Variants in FBN2 observed in about 807,000 individuals in gnomAD.
The protein encoded by FBN2 is fibrillin-2.
FBN2 carries 105 observed loss-of-function variants against 355.6 expected under a neutral mutation model. That is an observed-to-expected ratio of 0.30 (90% CI 0.25 to 0.35). The LOEUF is 0.35. Among genes scored for constraint, FBN2 ranks in the 10% least tolerant of loss-of-function variants. The pLI is 1.00. For synonymous variants in FBN2, 1,350 were observed against 1,301.2 expected (o/e 1.04, Z -0.81); for missense variants, 3,280 against 3,758.7 (o/e 0.87, Z 3.33).
At chr5:128,506,164 A>C (rs375052115) in intron 5 of FBN2, among the ~76,000 whole-genome samples, 8 of 152,320 alleles carry the variant, frequency 5.3e-5, no homozygotes, top group Admixed American at 2.0e-4. Flanking sequence ...ATTGAAAATC[A>C]CAATGAGATA....
At chr5:128,431,270 C>T (rs2127030902) in intron 7 of FBN2, among the ~76,000 whole-genome samples, 1 of 152,334 alleles carries the variant, frequency 6.6e-6, no homozygotes. Context: ...TCCTGTTTGA[C>T]AACACTTACT....
chr5:128,312,802 A>G lies in FBN2; in HGVS notation c.4718-7T>C. The stretch of plus-strand genomic sequence containing the variant: ...CAGTTGCCCACACGGTTGTCTGCAG[A>G]GCAACAAAGGAGCTTACAGTTGCCC... On this transcript the variant is annotated splice_polypyrimidine_tract_variant and splice_region_variant and intron_variant, in intron 36 of 64. Transcript: ENST00000262464. The G allele has an allele frequency of 6.2e-7, 1 of 1,613,546 alleles. No homozygotes were observed. Among genetic ancestry groups the G allele is most frequent in the South Asian group, 1.1e-5 (1 of 91,082 alleles).
chr5:128,289,753 G>C (rs564959714), intron 51 of FBN2, 129 bp downstream of exon 51: 1 of 656,674 alleles, frequency 1.5e-6, no homozygotes, highest in South Asian at 1.9e-5. Flanking sequence ...CAAAATAAGG[G>C]TTATATACAT....
At chr5:128,516,919 G>C (rs17677555) in intron 5 of FBN2, among the ~76,000 whole-genome samples, 27,686 of 152,038 alleles carry the variant, frequency 0.18, 2,884 homozygotes, top group Non-Finnish European at 0.25. Flanking sequence ...GTTCATGGTT[G>C]CTATGTAAGA....
rs70997371 is a variant in FBN2, at chr5:128,455,990, CAAAAAAAAAAAAA to C, written c.826+8721_826+8733del. Among the ~76,000 whole-genome samples the C allele has an allele frequency of 2.1e-3, 53 of 25,278 alleles. No individual in the cohort carries two copies. The South Asian group carries it at 0.04, about 19-fold the overall frequency. The allele number at this position is 25,278 out of a possible 152,430, so 16.6% of individuals were successfully genotyped here. On this transcript the variant is annotated intron_variant, in intron 6 of 64. Coordinates refer to ENST00000262464, the MANE Select transcript of FBN2 (RefSeq NM_001999.4). Reference sequence around the variant, plus strand: ...GAGCTCCTTGGGGGAGGGTTAGCAACAAAAAAAAAAAAAAAAAAAAAAAAAAAAAAAAAGCAAC... The same window carrying C: ...GAGCTCCTTGGGGGAGGGTTAGCAACAAAAAAAAAAAAAAAAAAAAGCAAC...
At chr5:128,276,418 A>G (rs1765395955) in intron 58 of FBN2, among the ~76,000 whole-genome samples, 1 of 152,206 alleles carries the variant, frequency 6.6e-6, no homozygotes, top group African/African-American at 2.4e-5. Context: ...CATTCTTTAG[A>G]TTAATATACT....
Position 128,395,290 on chromosome 5 carries a change from TA to T in FBN2, c.1079-17del, listed in dbSNP as rs924116871. ...GTTCTCTGATCTGTGCATGTATAAA[TA>T]AGACAGAAGATATGGCAGAATTACC... is the stretch of plus-strand genomic sequence containing the variant. On this transcript the variant is annotated splice_polypyrimidine_tract_variant and intron_variant, in intron 8 of 64. Transcript: ENST00000262464. 2 of 1,613,822 alleles carry T rather than the reference TA, an allele frequency of 1.2e-6. No homozygotes were observed. Among genetic ancestry groups the T allele is most frequent in the African/African-American group, 2.7e-5 (2 of 74,928 alleles).
intron 2 of FBN2, among the ~76,000 whole-genome samples, chr5:128,532,146 G>C (rs1756726562): frequency 6.6e-6 from 1 of 152,168 alleles, no homozygotes; most frequent in South Asian, 2.1e-4. Flanking sequence ...TTCCAGGCTG[G>C]TATCTGACCT....
chr5:128,378,029 T>C (rs191971125), intron 12 of FBN2, 152 bp from the exon 13 acceptor site: 2 of 668,088 alleles, frequency 3.0e-6, no homozygotes, highest in Admixed American at 3.0e-5. Context: ...TTTTTTTGGA[T>C]AGGTAGGTGC....
intron 11 of FBN2, among the ~76,000 whole-genome samples, chr5:128,385,030 A>G (rs945648198): frequency 7.2e-5 from 11 of 152,142 alleles, no homozygotes; most frequent in Admixed American, 4.6e-4. Context: ...GGAGAAAGAT[A>G]TGTTTTACAT....
rs531381318 is a variant in FBN2 at position 128,392,417 on chromosome 5, C to T, written c.1466-262G>A. Among the ~76,000 whole-genome samples the T allele has an allele frequency of 5.6e-4, 85 of 152,274 alleles. 2 individuals carry two copies. The highest frequency in any genetic ancestry group is 1.4e-3 in the Admixed American group (21 of 15,296). On this transcript the variant is annotated intron_variant, in intron 10 of 64. Coordinates refer to ENST00000262464, the MANE Select transcript of FBN2 (RefSeq NM_001999.4). ...AAAATTACAGGAATGTTCTACCATA[C>T]GTTTGAGTGCTTTCCGTTTCTCCTT...
chr5:128,500,439 T>C (rs1755779059), intron 5 of FBN2, among the ~76,000 whole-genome samples: 1 of 127,688 alleles, frequency 7.8e-6, no homozygotes, highest in Admixed American at 7.6e-5. Context: ...TCTTTTTTTT[T>C]TTTTTTTTTT....
intron 61 of FBN2, among the ~76,000 whole-genome samples, chr5:128,272,830 G>C (rs1449920588): frequency 6.6e-6 from 1 of 152,032 alleles, no homozygotes; most frequent in Non-Finnish European, 1.5e-5. Context: ...ATTAATAAAT[G>C]GTATCTTATG....
At chr5:128,529,232 T>C (rs945177526) in intron 3 of FBN2, among the ~76,000 whole-genome samples, 1 of 152,070 alleles carries the variant, frequency 6.6e-6, no homozygotes. Flanking sequence ...TTGGTAGTCA[T>C]TGAAAACATG....
At chr5:128,524,092 T>C (rs1756504630) in intron 4 of FBN2, among the ~76,000 whole-genome samples, 1 of 152,054 alleles carries the variant, frequency 6.6e-6, no homozygotes, top group African/African-American at 2.4e-5. Context: ...TACCTCCCTC[T>C]CCAAACTCAA....
At chr5:128,436,249 G>A (rs1753764595) in intron 7 of FBN2, among the ~76,000 whole-genome samples, 1 of 152,150 alleles carries the variant, frequency 6.6e-6, no homozygotes, top group South Asian at 2.1e-4. Flanking sequence ...CCCCTCTGGA[G>A]TTCCTATCAC....
chr5:128,297,108 T>G (rs1284282949), intron 48 of FBN2, among the ~76,000 whole-genome samples: 1 of 152,188 alleles, frequency 6.6e-6, no homozygotes, highest in African/African-American at 2.4e-5. Flanking sequence ...CAGTAGTCAT[T>G]CAGGAGCAGG....
intron 7 of FBN2, among the ~76,000 whole-genome samples, chr5:128,414,984 A>T (rs912247264): frequency 2.6e-5 from 4 of 152,286 alleles, no homozygotes; most frequent in African/African-American, 4.8e-5. Context: ...TTATGTTTTT[A>T]ACGAATGAGT....
At chr5:128,401,263 A>G (rs1752791419) in intron 8 of FBN2, among the ~76,000 whole-genome samples, 2 of 152,196 alleles carry the variant, frequency 1.3e-5, no homozygotes, top group Admixed American at 6.5e-5. Context: ...TCACAAATGC[A>G]TATTTTCATT....
Sources: gnomAD v4.1 joint callset for allele counts (sites outside exome capture counted in the v4.1 genomes callset) on GRCh38, gnomAD v4.1.1 for gene constraint, MANE v1.5 for transcripts, NCBI Gene and HGNC (gene_info 2026-07-23, HGNC 2026-07-21) for gene names.